Variants in RBM25 observed in about 807,000 individuals in gnomAD.
The protein encoded by RBM25 is RNA-binding protein 25.
In RBM25, 19 loss-of-function variants were observed where a neutral mutation model predicts 120.7. The observed-to-expected ratio is 0.16, with a 90% confidence interval of 0.11 to 0.23. The LOEUF is 0.23. RBM25 is among the 10% of genes least tolerant of loss of function. The pLI, the probability that RBM25 is intolerant of heterozygous loss-of-function variation, is 1.00. For missense variants in RBM25, 605 were observed against 1,041.5 expected (o/e 0.58, Z 5.77); for synonymous variants, 390 against 326.7 (o/e 1.19, Z -2.09).
rs72346306 is a variant in RBM25 at position 73,103,905 on chromosome 14, GTCTCTCTC to G, written c.1154+464_1154+471del. On this transcript the variant is annotated intron_variant, in intron 10 of 18. Transcript: ENST00000261973. ...TCTTTGTCTGTCTGTCTGTCTGTCT[GTCTCTCTC>G]TCTCTCTCTCTCTCTCTCTCTCTCT... Among the ~76,000 whole-genome samples the G allele has an allele frequency of 4.5e-3, 408 of 91,626 alleles. 1 individual carries two copies. Among genetic ancestry groups the G allele is most frequent in the Middle Eastern group, 0.011 (2 of 182 alleles). The allele number at this position is 91,626 out of a possible 152,430, so 60.1% of individuals were successfully genotyped here. A position where few individuals can be genotyped will look rare whatever the true frequency, so the allele number is the denominator to read the frequency against.
chr14:73,082,074 C>G (rs1217524748), intron 4 of RBM25, among the ~76,000 whole-genome samples: 4 of 152,148 alleles, frequency 2.6e-5, no homozygotes, highest in Admixed American at 6.5e-5. Context: ...GGATGTTGAG[C>G]TTCCAGGTTT....
chr14:73,117,205 C>CTTTTCTTTTTT (rs1896449789), intron 18 of RBM25, among the ~76,000 whole-genome samples: 1 of 36,564 alleles, frequency 2.7e-5, no homozygotes, highest in African/African-American at 1.0e-4. Flanking sequence ...TTTCTTTCTT[C>CTTTTCTTTTTT]TTTTCTTTTT....
intron 2 of RBM25, 91 bp from the exon 3 acceptor site, chr14:73,076,228 T>C (rs1339946265): frequency 8.7e-5 from 90 of 1,031,140 alleles, no homozygotes; most frequent in Non-Finnish European, 1.2e-4. Flanking sequence ...TTTCCACTTA[T>C]GTTAATTATG....
intron 10 of RBM25, 95 bp downstream of exon 10, chr14:73,103,573 T>TG (rs1300339032): frequency 3.4e-6 from 5 of 1,480,918 alleles, no homozygotes; most frequent in Non-Finnish European, 4.5e-6. Context: ...AATGAGAACT[T>TG]TTGTGTGTGT....
At chr14:73,068,970 C>A (rs1221624232) in intron 1 of RBM25, among the ~76,000 whole-genome samples, 1 of 152,102 alleles carries the variant, frequency 6.6e-6, no homozygotes, top group Non-Finnish European at 1.5e-5. Flanking sequence ...GTGGCACGAT[C>A]TCAGCTCAGT....
At chr14:73,103,647 G>T (rs1896100389) in intron 10 of RBM25, among the ~76,000 whole-genome samples, 169 bp downstream of exon 10, 1 of 152,000 alleles carries the variant, frequency 6.6e-6, no homozygotes, top group Non-Finnish European at 1.5e-5. Flanking sequence ...CCGCCTCCTG[G>T]GTTCAAGTGA....
At chr14:73,103,970 ACACACACACACACACACACACACACT>A (rs2140455988) in intron 10 of RBM25, among the ~76,000 whole-genome samples, 1 of 144,170 alleles carries the variant, frequency 6.9e-6, no homozygotes, top group East Asian at 2.0e-4. Flanking sequence ...ACACACACAC[ACACACACACACACACACACACACACT>A]CTCTCTCTCT....
At chr14:73,102,886 G>A (rs1442842404) in intron 9 of RBM25, 3 of 266,204 alleles carry the variant, frequency 1.1e-5, no homozygotes, top group East Asian at 6.9e-5. Context: ...AAAATATTTC[G>A]AACCACCACA....
intron 7 of RBM25, among the ~76,000 whole-genome samples, chr14:73,097,317 C>T (rs915268101): frequency 6.7e-6 from 1 of 149,764 alleles, no homozygotes; most frequent in Admixed American, 6.8e-5. Context: ...TCTACTGCCT[C>T]AGCCTCCTGA....
At chr14:73,066,793 A>G (rs1425982773) in intron 1 of RBM25, among the ~76,000 whole-genome samples, 1 of 152,194 alleles carries the variant, frequency 6.6e-6, no homozygotes, top group African/African-American at 2.4e-5. Context: ...AATTCTGAGG[A>G]AGTAGAGCTG....
chr14:73,075,069 C>T (rs576138753), intron 2 of RBM25, among the ~76,000 whole-genome samples: 10 of 151,500 alleles, frequency 6.6e-5, no homozygotes, highest in Non-Finnish European at 1.2e-4. Context: ...TACACAGGCA[C>T]AATGCTAGCA....
intron 6 of RBM25, among the ~76,000 whole-genome samples, chr14:73,090,413 T>G (rs1031926766): frequency 2.0e-5 from 3 of 152,162 alleles, no homozygotes; most frequent in African/African-American, 7.2e-5. Context: ...CTAGCTTCCG[T>G]CTTCCCTCCC....
At chr14:73,076,888 T>C (rs1387449850) in intron 3 of RBM25, among the ~76,000 whole-genome samples, 2 of 152,252 alleles carry the variant, frequency 1.3e-5, no homozygotes, top group Non-Finnish European at 2.9e-5. Flanking sequence ...AAGACTAGCC[T>C]GGCCAACATG....
At chr14:73,066,105 G>GAT (rs1703877971) in intron 1 of RBM25, among the ~76,000 whole-genome samples, 1 of 152,156 alleles carries the variant, frequency 6.6e-6, no homozygotes, top group African/African-American at 2.4e-5. Flanking sequence ...AAAGCACTGA[G>GAT]ATAGGCTATT....
intron 1 of RBM25, among the ~76,000 whole-genome samples, chr14:73,065,995 G>C (rs1566580270): frequency 6.6e-6 from 1 of 152,152 alleles, no homozygotes; most frequent in Non-Finnish European, 1.5e-5. Flanking sequence ...TGCGGCATGA[G>C]ATAGCATAAT....
At chr14:73,105,056 C>T (rs1486419162) in intron 10 of RBM25, among the ~76,000 whole-genome samples, 4 of 151,478 alleles carry the variant, frequency 2.6e-5, no homozygotes, top group Non-Finnish European at 5.9e-5. Context: ...CACACACACA[C>T]ACACACACAG....
chr14:73,104,805 C>CT (rs1397020547), intron 10 of RBM25, among the ~76,000 whole-genome samples: 1 of 152,134 alleles, frequency 6.6e-6, no homozygotes, highest in African/African-American at 2.4e-5. Context: ...ATATACATTA[C>CT]TGTGTTGCAG....
chr14:73,063,854 A>G (rs1594892901), intron 1 of RBM25, among the ~76,000 whole-genome samples: 1 of 151,398 alleles, frequency 6.6e-6, no homozygotes, highest in South Asian at 2.1e-4. Flanking sequence ...TAAAATGTTT[A>G]TTTACATTGT....
At chr14:73,059,907 A>G (rs1310643820) in intron 1 of RBM25, among the ~76,000 whole-genome samples, 1 of 152,230 alleles carries the variant, frequency 6.6e-6, no homozygotes, top group Non-Finnish European at 1.5e-5. Context: ...AGAAAAACGT[A>G]TGTAAAATCC....
Sources: allele counts gnomAD v4.1 joint callset (sites outside exome capture counted in the v4.1 genomes callset), GRCh38; gene constraint gnomAD v4.1.1; transcripts MANE v1.5; gene names NCBI Gene and HGNC (gene_info 2026-07-23, HGNC 2026-07-21).